The following CERS1 variants were observed in gnomAD, a reference collection of about 807,000 sequenced individuals.
The protein encoded by CERS1 is Embryonic growth/differentiation factor 1.
In CERS1, 16 loss-of-function variants were observed where a neutral mutation model predicts 35.7. The ratio of observed to expected loss-of-function variants is 0.45; its 90% CI spans 0.30 to 0.68. CERS1 has a LOEUF of 0.68. Among genes scored for constraint, CERS1 ranks in the 30% least tolerant of loss-of-function variants. CERS1 has a pLI of 0.08. For synonymous variants in CERS1, 243 were observed against 201.6 expected (o/e 1.21, Z -1.74); for missense variants, 454 against 453.9 (o/e 1.00, Z 0.00).
chr19:18,870,239 C>A lies in CERS1; in HGVS notation c.*338G>T. 3 of 1,548,640 alleles carry A rather than the reference C, an allele frequency of 1.9e-6. No homozygotes were observed. The highest frequency in any genetic ancestry group is 2.0e-5 in the Admixed American group (1 of 50,950). ...GCACGGGGGCGCGGGTCAGGGGCAG[C>A]GAGGGCAGCAGCAGGGCCAGGAGGA... On this transcript the variant is annotated 3_prime_UTR_variant, in exon 7 of 8. Coordinates refer to ENST00000623882, the MANE Select transcript of CERS1 (RefSeq NM_021267.5). This position sits in a 1 kb window ranked among gnomAD's most constrained non-coding sequence, Gnocchi z 5.1.
chr19:18,891,090 C>T (rs904624595), intron 2 of CERS1, among the ~76,000 whole-genome samples: 1 of 151,222 alleles, frequency 6.6e-6, no homozygotes, highest in African/African-American at 2.4e-5. Flanking sequence ...TGCCATTGCA[C>T]TCCAGACTGG....
intron 2 of CERS1, among the ~76,000 whole-genome samples, chr19:18,888,540 A>AC (rs1194053342): frequency 6.7e-6 from 1 of 149,948 alleles, no homozygotes; most frequent in African/African-American, 2.4e-5. Flanking sequence ...AAAAAAAAAA[A>AC]AAAAAACAGG....
At chr19:18,884,699 G>A (rs1336451454) in intron 2 of CERS1, among the ~76,000 whole-genome samples, 2 of 127,984 alleles carry the variant, frequency 1.6e-5, no homozygotes, top group African/African-American at 2.9e-5. Context: ...GAGCCACCCC[G>A]CCCAGCCGTC....
intron 6 of CERS1, among the ~76,000 whole-genome samples, chr19:18,871,993 A>G (rs1424188409): frequency 1.3e-5 from 2 of 152,200 alleles, no homozygotes; most frequent in Non-Finnish European, 2.9e-5. Flanking sequence ...CTTATGGGAA[A>G]CAAAGACACA....
chr19:18,877,801 A>C, intron 6 of CERS1: 1 of 160,818 alleles, frequency 6.2e-6, no homozygotes, highest in Non-Finnish European at 1.3e-5. Flanking sequence ...CTCAAAGGAC[A>C]GCGCAATCTA....
chr19:18,895,303 A>G lies in CERS1; in HGVS notation c.249+521T>C, dbSNP rs1258913854. On this transcript the variant is annotated intron_variant, in intron 1 of 7. Transcript: ENST00000623882. This position sits in a 1 kb window ranked among gnomAD's most constrained non-coding sequence, Gnocchi z 6.4. ...CGCACGGACCCAGCAGAAAACGGGC[A>G]GCGGACCTCGCTCCGGGCCGGGGCG... Among the ~76,000 whole-genome samples, 3 of 152,184 alleles carry G rather than the reference A, an allele frequency of 2.0e-5. No individual in the cohort carries two copies. The highest frequency in any genetic ancestry group is 6.5e-5 in the Admixed American group (1 of 15,282).
chr19:18,872,545 C>G (rs369650922), intron 6 of CERS1, among the ~76,000 whole-genome samples: 1 of 149,160 alleles, frequency 6.7e-6, no homozygotes, highest in South Asian at 2.1e-4. Context: ...GACGAAGTCT[C>G]GCTCTTGTCC....
At position 18,895,571 on chromosome 19, in the gene CERS1, G is replaced by C. The variant is rs1173146128; in HGVS notation, c.249+253C>G. On this transcript the variant is annotated intron_variant, in intron 1 of 7. Transcript: ENST00000623882. The surrounding 1 kb of genome is among the most constrained non-coding windows in gnomAD (Gnocchi z 6.4). Reference sequence around the variant, plus strand: ...CATGTCCCAGACTCACCCCAGCCCGGCCACACCCCCGCATCTACCCGGTTC... The same window carrying C: ...CATGTCCCAGACTCACCCCAGCCCGCCCACACCCCCGCATCTACCCGGTTC... Among the ~76,000 whole-genome samples the C allele has an allele frequency of 2.0e-5, 3 of 151,588 alleles. No homozygotes were observed. The highest frequency in any genetic ancestry group is 6.6e-5 in the Admixed American group (1 of 15,234).
At chr19:18,886,205 A>C (rs1183425774) in intron 2 of CERS1, among the ~76,000 whole-genome samples, 2 of 151,814 alleles carry the variant, frequency 1.3e-5, no homozygotes, top group Non-Finnish European at 2.9e-5. Context: ...CAGGAGTTCG[A>C]GACCAGCCTG....
At chr19:18,892,560 G>A (rs1399596869) in intron 2 of CERS1, among the ~76,000 whole-genome samples, 1 of 152,050 alleles carries the variant, frequency 6.6e-6, no homozygotes, top group Non-Finnish European at 1.5e-5. Flanking sequence ...CTCACAGTGA[G>A]CCGAGATCGC....
Position 18,893,479 on chromosome 19 carries a change from T to C in CERS1, c.346A>G (p.Ser116Gly). 1 of 1,607,740 alleles carries C rather than the reference T, an allele frequency of 6.2e-7. No homozygotes were observed. The highest frequency in any genetic ancestry group is 8.5e-7 in the Non-Finnish European group (1 of 1,177,376). Residue 116 changes from serine to glycine, a missense_variant, in exon 2 of 8, where the codon AGT (serine) becomes GGT (glycine). Ser to Gly is a moderately conservative substitution (Grantham distance 56). Coordinates refer to ENST00000623882, the MANE Select transcript of CERS1 (RefSeq NM_021267.5). Reference protein sequence around the residue: ...FLFYLGSWSYSAYLLFGTDYP... With the variant: ...FLFYLGSWSYGAYLLFGTDYP... ...TCGGTGCCAAACAGCAGGTAGGCACTGTAGCTCCAGCTGCCCAGGTAGAAG... is the reference window on the plus strand; with the variant it reads ...TCGGTGCCAAACAGCAGGTAGGCACCGTAGCTCCAGCTGCCCAGGTAGAAG...
chr19:18,881,841 GAC>G (rs1190045642), intron 3 of CERS1: 1 of 151,884 alleles, frequency 6.6e-6, no homozygotes, highest in African/African-American at 2.4e-5. Flanking sequence ...TTTTTTTGGA[GAC>G]ACAGCCTCAC....
chr19:18,893,142 T>C (rs2056535845), intron 2 of CERS1, among the ~76,000 whole-genome samples: 2 of 152,142 alleles, frequency 1.3e-5, no homozygotes, highest in Non-Finnish European at 2.9e-5. Context: ...CTCGATCTCC[T>C]AACCTCGTGA....
chr19:18,885,589 G>A (rs1490510630), intron 2 of CERS1, among the ~76,000 whole-genome samples: 1 of 146,172 alleles, frequency 6.8e-6, no homozygotes, highest in Admixed American at 7.0e-5. Context: ...GCGGGATCTC[G>A]GCTCACTGCA....
chr19:18,891,670 C>T (rs971823744), intron 2 of CERS1, among the ~76,000 whole-genome samples: 2 of 151,924 alleles, frequency 1.3e-5, no homozygotes, highest in Non-Finnish European at 1.5e-5. Context: ...CTCCACCTAC[C>T]GGGTTCAAGC....
intron 1 of CERS1, among the ~76,000 whole-genome samples, chr19:18,894,286 C>G (rs1351553205): frequency 6.6e-6 from 1 of 151,940 alleles, no homozygotes; most frequent in Non-Finnish European, 1.5e-5. Context: ...CAGAGCTGCC[C>G]GGCCAAGCCC....
intron 2 of CERS1, among the ~76,000 whole-genome samples, chr19:18,888,521 A>G (rs1016793227): frequency 1.1e-3 from 61 of 56,456 alleles, no homozygotes; most frequent in Admixed American, 4.7e-3. Context: ...CTGTCTCTTA[A>G]AAAAAAAAAA....
chr19:18,875,316 C>T (rs958660673), intron 6 of CERS1, among the ~76,000 whole-genome samples: 32 of 151,618 alleles, frequency 2.1e-4, no homozygotes, highest in African/African-American at 7.0e-4. Context: ...GAGGCTGAGG[C>T]AGGAGGAACA....
At position 18,868,906 on chromosome 19, in the gene CERS1, CCG is replaced by C. The variant is rs2055905420; in HGVS notation, c.*1077_*1078del. The C allele has an allele frequency of 1.3e-5, 18 of 1,380,212 alleles. No homozygotes were observed. The highest frequency in any genetic ancestry group is 1.7e-5 in the Non-Finnish European group (18 of 1,057,976). 85.5% of individuals were successfully genotyped at this position (1,380,212 alleles called of 1,614,324 possible). A position where few individuals can be genotyped will look rare whatever the true frequency, so the allele number is the denominator to read the frequency against. On this transcript the variant is annotated 3_prime_UTR_variant, in exon 8 of 8. Coordinates refer to ENST00000623882, the MANE Select transcript of CERS1 (RefSeq NM_021267.5). ...CCTCGCGGAAGCTCACGTACAGCCGCCGCGCGCGACAAGCGCCCCCGGGGCCG... is the reference window on the plus strand; with the variant it reads ...CCTCGCGGAAGCTCACGTACAGCCGCCGCGCGACAAGCGCCCCCGGGGCCG...
Sources: gnomAD v4.1 joint callset for allele counts (sites outside exome capture counted in the v4.1 genomes callset) on GRCh38, gnomAD v4.1.1 for gene constraint, Gnocchi (gnomAD v3.1) non-coding constraint, MANE v1.5 for transcripts, NCBI Gene and HGNC (gene_info 2026-07-23, HGNC 2026-07-21) for gene names.